The following PTGIS variants were observed in gnomAD, a reference collection of about 807,000 sequenced individuals.
PTGIS encodes the protein prostaglandin I2 synthase.
A neutral mutation model predicts 50.3 loss-of-function variants in PTGIS; 45 were observed. The ratio of observed to expected loss-of-function variants is 0.90; its 90% CI spans 0.70 to 1.15. The LOEUF is 1.15. Among genes scored for constraint, PTGIS ranks in the 50% most tolerant of loss-of-function variants. The probability of loss-of-function intolerance (pLI) is 0.00; values close to 1 mark genes in which losing one functional copy is unlikely to be tolerated. For synonymous variants in PTGIS, 260 were observed against 267.7 expected (o/e 0.97, Z 0.28); for missense variants, 668 against 661.3 (o/e 1.01, Z -0.11).
chr20:49,531,934 G>A (rs1981945536), intron 5 of PTGIS, among the ~76,000 whole-genome samples: 1 of 152,156 alleles, frequency 6.6e-6, no homozygotes, highest in Non-Finnish European at 1.5e-5. Context: ...GCAGCCTCAT[G>A]CTGTATTTTA....
rs1373203529 is a variant in PTGIS, at chr20:49,558,614, G to A, written c.75-8425C>T. ...GTATACACTATTATTCGTAAGCAGT[G>A]TCAGAGGTGTTCAAACCAGAGTGAC... On this transcript the variant is annotated intron_variant, in intron 1 of 9. Transcript: ENST00000244043. Among the ~76,000 whole-genome samples the A allele has an allele frequency of 8.5e-5, 13 of 152,122 alleles. No individual in the cohort carries two copies. The East Asian group carries it at 2.5e-3, about 29-fold the overall frequency.
chr20:49,528,436 A>AGTAGAATAGAAGATT (rs1981846556), intron 5 of PTGIS, among the ~76,000 whole-genome samples: 1 of 152,124 alleles, frequency 6.6e-6, no homozygotes, highest in Non-Finnish European at 1.5e-5. Context: ...ACATGGTGAA[A>AGTAGAATAGAAGATT]CCCCATCTCT....
At chr20:49,565,783 C>G (rs1287067316) in intron 1 of PTGIS, among the ~76,000 whole-genome samples, 1 of 152,176 alleles carries the variant, frequency 6.6e-6, no homozygotes, top group African/African-American at 2.4e-5. Context: ...ACCAGAGTGT[C>G]CCTAGCTGAA....
intron 5 of PTGIS, among the ~76,000 whole-genome samples, chr20:49,530,154 C>CAA (rs58592527): frequency 2.3e-5 from 3 of 128,806 alleles, no homozygotes; most frequent in African/African-American, 5.8e-5. Context: ...AACTCTGTCT[C>CAA]AAAAAAAAAA....
intron 2 of PTGIS, among the ~76,000 whole-genome samples, chr20:49,549,347 G>A (rs184514319): frequency 5.3e-5 from 8 of 152,286 alleles, no homozygotes; most frequent in African/African-American, 1.9e-4. Flanking sequence ...CAATGTAAAT[G>A]CTAAATAAAT....
Position 49,531,352 on chromosome 20 carries a change from C to T in PTGIS, c.674-7113G>A, listed in dbSNP as rs149281086. Among the ~76,000 whole-genome samples, 4 of 152,204 alleles carry T rather than the reference C, an allele frequency of 2.6e-5. No homozygotes were observed. In the East Asian group the frequency reaches 7.7e-4, roughly 29 times the overall value. On this transcript the variant is annotated intron_variant, in intron 5 of 9. Transcript: ENST00000244043. Reference sequence around the variant, plus strand: ...CCTGGGGCCCTGCAGATGAGCAAAGCTGTGTAGTTAAAGGGGGAGTCTGCA... The same window carrying T: ...CCTGGGGCCCTGCAGATGAGCAAAGTTGTGTAGTTAAAGGGGGAGTCTGCA...
At chr20:49,525,778 G>A (rs1981779110) in intron 5 of PTGIS, among the ~76,000 whole-genome samples, 1 of 152,132 alleles carries the variant, frequency 6.6e-6, no homozygotes, top group South Asian at 2.1e-4. Flanking sequence ...AAGTTTCAAA[G>A]TATTGGAAAC....
At chr20:49,511,269 T>G in intron 8 of PTGIS, 90 bp from the exon 9 acceptor site, 1 of 1,499,738 alleles carries the variant, frequency 6.7e-7, no homozygotes, top group Non-Finnish European at 9.2e-7. Flanking sequence ...GACAGTCATG[T>G]TTATAAGAGG....
Position 49,507,639 on chromosome 20 carries a change from ATATCACGAGG to A in PTGIS, c.*271_*280del. On this transcript the variant is annotated 3_prime_UTR_variant, in exon 10 of 10. Coordinates refer to ENST00000244043, the MANE Select transcript of PTGIS (RefSeq NM_000961.4). ...TGCCTTATCTGAATAGCATTTGTGG[ATATCACGAGG>A]TGAGAGTAACGAGGTGAATTGGGAG... 1 of 503,354 alleles carries A rather than the reference ATATCACGAGG, an allele frequency of 2.0e-6. No homozygotes were observed. Among genetic ancestry groups the A allele is most frequent in the Non-Finnish European group, 3.6e-6 (1 of 276,122 alleles). The allele number at this position is 503,354 out of a possible 1,614,324, so 31.2% of individuals were successfully genotyped here. A position where few individuals can be genotyped will look rare whatever the true frequency, so the allele number is the denominator to read the frequency against.
intron 3 of PTGIS, among the ~76,000 whole-genome samples, chr20:49,547,387 A>C (rs1446959283): frequency 1.3e-5 from 2 of 152,194 alleles, no homozygotes; most frequent in Admixed American, 1.3e-4. Flanking sequence ...ATTGTTGTGA[A>C]GACTAATGAG....
chr20:49,565,868 T>G (rs1982883875), intron 1 of PTGIS, among the ~76,000 whole-genome samples: 1 of 152,150 alleles, frequency 6.6e-6, no homozygotes, highest in Non-Finnish European at 1.5e-5. Flanking sequence ...AAGCTGCCAG[T>G]GACCCTCATT....
chr20:49,508,818 T>C (rs1445643952), intron 9 of PTGIS, among the ~76,000 whole-genome samples: 3 of 152,218 alleles, frequency 2.0e-5, no homozygotes. Context: ...ATGCCTATGA[T>C]GTAATCAGTG....
intron 5 of PTGIS, among the ~76,000 whole-genome samples, chr20:49,533,473 T>C (rs1981987925): frequency 6.6e-6 from 1 of 152,094 alleles, no homozygotes; most frequent in Non-Finnish European, 1.5e-5. Flanking sequence ...GCCTAAGGGT[T>C]CTCAAAGGAT....
chr20:49,514,314 G>T lies in PTGIS; in HGVS notation c.937C>A (p.Leu313Ile). ...PEALAAVRGE[L>I]ESILWQAEQP... ...TCCGCTTGCCAAAGGATACTCTCGA[G>T]CTCTCCGCGGACAGCAGCCAGGGCT... Residue 313 changes from leucine to isoleucine, a missense_variant, in exon 7 of 10, where the codon CTC (leucine) becomes ATC (isoleucine). Physicochemically the swap from Leu to Ile is conservative, Grantham distance 5 (BLOSUM62 2). Transcript: ENST00000244043. 6.2e-7 allele frequency: 1 copy of T among 1,614,150 alleles called. No individual in the cohort carries two copies. The highest frequency in any genetic ancestry group is 8.5e-7 in the Non-Finnish European group (1 of 1,180,030).
chr20:49,541,663 G>A (rs1982233091), intron 4 of PTGIS, among the ~76,000 whole-genome samples: 1 of 152,136 alleles, frequency 6.6e-6, no homozygotes, highest in South Asian at 2.1e-4. Flanking sequence ...TCTGGGAGGC[G>A]GAGGTTGCAG....
chr20:49,568,117 C>CGCGGGGCTGGCGGTGCTG lies in PTGIS; in HGVS notation c.-2_-1insCAGCACCGCCAGCCCCGC. ...GGCCGAGGAGCGCGGCCCAAGCCATCGCGGGGCTGGCGGGGCTGGCGGGGC... is the reference window on the plus strand; with the variant it reads ...GGCCGAGGAGCGCGGCCCAAGCCATCGCGGGGCTGGCGGTGCTGGCGGGGCTGGCGGGGCTGGCGGGGC... On this transcript the variant is annotated 5_prime_UTR_variant, in exon 1 of 10. Transcript: ENST00000244043. The CGCGGGGCTGGCGGTGCTG allele has an allele frequency of 1.3e-6, 1 of 784,884 alleles. No homozygotes were observed. Among genetic ancestry groups the CGCGGGGCTGGCGGTGCTG allele is most frequent in the Non-Finnish European group, 1.8e-6 (1 of 569,000 alleles). The allele number at this position is 784,884 out of a possible 1,614,324, so 48.6% of individuals were successfully genotyped here.
At position 49,507,128 on chromosome 20, in the gene PTGIS, A is replaced by G. The variant is rs1981175702; in HGVS notation, c.*792T>C. ...AATCGGCACCTTCTTTTTTGGCTTG[A>G]TCAGTCTAAGGAGTCCTGGCTGGCT... is the stretch of plus-strand genomic sequence containing the variant. On this transcript the variant is annotated 3_prime_UTR_variant, in exon 10 of 10. Transcript: ENST00000244043. 1 of 152,382 alleles carries G rather than the reference A, an allele frequency of 6.6e-6. No individual in the cohort carries two copies. Among genetic ancestry groups the G allele is most frequent in the South Asian group, 2.1e-4 (1 of 4,834 alleles). 9.4% of individuals were successfully genotyped at this position (152,382 alleles called of 1,614,324 possible). A position where few individuals can be genotyped will look rare whatever the true frequency, so the allele number is the denominator to read the frequency against.
chr20:49,536,479 T>TTTCTTTC, intron 5 of PTGIS, among the ~76,000 whole-genome samples: 1 of 94,538 alleles, frequency 1.1e-5, no homozygotes, highest in South Asian at 3.5e-4. Flanking sequence ...TCTTTCTTTC[T>TTTCTTTC]TTTTTTTTTT....
Position 49,508,004 on chromosome 20 carries a change from G to A in PTGIS, c.1419C>T (p.Ile473=). 6.2e-7 allele frequency: 1 copy of A among 1,614,006 alleles called. No individual in the cohort carries two copies. Among genetic ancestry groups the A allele is most frequent in the Non-Finnish European group, 8.5e-7 (1 of 1,180,040 alleles). The part of the protein sequence containing the change: ...DLELINADVE[I]PEFDLSRYGF... ...CGTACCTGCTGAGGTCAAACTCAGG[G>A]ATCTCCACATCTGCGTTGATCAGCT... The change falls in exon 10 of 10, where the codon ATC becomes ATT. Residue 473 remains isoleucine, a synonymous_variant. Transcript: ENST00000244043.
Sources: allele counts gnomAD v4.1 joint callset (sites outside exome capture counted in the v4.1 genomes callset), GRCh38; gene constraint gnomAD v4.1.1; transcripts MANE v1.5; gene names NCBI Gene and HGNC (gene_info 2026-07-23, HGNC 2026-07-21).